The following TEP1 variants were observed in gnomAD, a reference collection of about 807,000 sequenced individuals.
TEP1 encodes telomerase associated protein 1, also known as telomerase protein component 1.
A neutral mutation model predicts 306.3 loss-of-function variants in TEP1; 241 were observed. The ratio of observed to expected loss-of-function variants is 0.79; its 90% CI spans 0.71 to 0.88. The LOEUF (loss-of-function observed/expected upper bound fraction) is 0.88, where lower values mean the gene tolerates loss of function less well. TEP1 is among the 40% of genes least tolerant of loss of function. The probability of loss-of-function intolerance (pLI) is 0.00; values close to 1 mark genes in which losing one functional copy is unlikely to be tolerated. For missense variants in TEP1, 3,051 were observed against 3,276.1 expected (o/e 0.93, Z 1.68); for synonymous variants, 1,289 against 1,305.5 (o/e 0.99, Z 0.27).
At position 20,376,954 on chromosome 14, in the gene TEP1, G is replaced by A. The variant is rs140581428; in HGVS notation, c.6088+326C>T. 9.5e-4 allele frequency among the ~76,000 whole-genome samples: 145 copies of A among 152,304 alleles called. 1 individual carries two copies. The East Asian group carries it at 0.014, about 14-fold the overall frequency. Reference sequence around the variant, plus strand: ...TTGTGGGCCAGGCGCAATGGCTCACGTCTGTAATCCCAGCACTTTGGGAGG... The same window carrying A: ...TTGTGGGCCAGGCGCAATGGCTCACATCTGTAATCCCAGCACTTTGGGAGG... On this transcript the variant is annotated intron_variant, in intron 41 of 54. Transcript: ENST00000262715.
rs1471177820 is a variant in TEP1, at chr14:20,371,121, G to C, written c.7317+97C>G. On this transcript the variant is annotated intron_variant, in intron 51 of 54. Transcript: ENST00000262715. ...AGGATAAGAGGATTTGCAGCCAACTGCCTTTCCCTTCCCTATCCTCCATGA... is the reference window on the plus strand; with the variant it reads ...AGGATAAGAGGATTTGCAGCCAACTCCCTTTCCCTTCCCTATCCTCCATGA... 9 of 1,025,788 alleles carry C rather than the reference G, an allele frequency of 8.8e-6. No individual in the cohort carries two copies. In the East Asian group the frequency reaches 2.1e-4, roughly 24 times the overall value. 63.5% of individuals were successfully genotyped at this position (1,025,788 alleles called of 1,614,324 possible).
At position 20,377,736 on chromosome 14, in the gene TEP1, C is replaced by T; in HGVS notation, c.5739G>A (p.Gly1913=). The part of the protein sequence containing the change: ...GEDGKVQVWS[G]SLGRPRGHLG... ...GGTGCCCACGGGGCCGACCCAGAGA[C>T]CCTGACCACACCTGAACCTGGGAAC... The change falls in exon 40 of 55, where the codon GGG becomes GGA. Residue 1913 remains glycine (G), a synonymous_variant. Coordinates refer to ENST00000262715, the MANE Select transcript of TEP1 (RefSeq NM_007110.5). The T allele has an allele frequency of 6.2e-7, 1 of 1,613,872 alleles. No individual in the cohort carries two copies. Among genetic ancestry groups the T allele is most frequent in the Non-Finnish European group, 8.5e-7 (1 of 1,179,996 alleles).
chr14:20,382,167 C>A, intron 29 of TEP1, 57 bp downstream of exon 29: 1 of 1,613,244 alleles, frequency 6.2e-7, no homozygotes, highest in Non-Finnish European at 8.5e-7. Context: ...CCAAGGGAAC[C>A]AATGTAATCC....
chr14:20,373,035 T>C lies in TEP1; in HGVS notation c.6927A>G (p.Glu2309=). 1 of 1,614,186 alleles carries C rather than the reference T, an allele frequency of 6.2e-7. No homozygotes were observed. The highest frequency in any genetic ancestry group is 2.2e-5 in the East Asian group (1 of 44,888). The change falls in exon 48 of 55, where the codon GAA becomes GAG. Residue 2309 remains glutamate, a synonymous_variant. Transcript: ENST00000262715. ...NQAGELILWQ[E]AKAVATAQAP... is the part of the protein sequence containing the mutation. ...CCTGTGCTGTGGCCACAGCCTTAGC[T>C]TCCTGCCACAAGATTAGTTCCCCAG...
intron 15 of TEP1, 114 bp from the exon 16 acceptor site, chr14:20,389,854 C>T: frequency 1.5e-6 from 2 of 1,353,782 alleles, no homozygotes; most frequent in Non-Finnish European, 2.0e-6. Context: ...AGGAGTACCT[C>T]TCCTGAGAGC....
chr14:20,366,249 A>T lies in TEP1; in HGVS notation c.*2188T>A, dbSNP rs1044118907. The T allele has an allele frequency of 6.6e-6, 1 of 152,344 alleles. No individual in the cohort carries two copies. Among genetic ancestry groups the T allele is most frequent in the Middle Eastern group, 3.4e-3 (1 of 294 alleles). The allele number at this position is 152,344 out of a possible 1,614,324, so 9.4% of individuals were successfully genotyped here. A position where few individuals can be genotyped will look rare whatever the true frequency, so the allele number is the denominator to read the frequency against. ...TAACTTTCCCCAACCCCTTCACTCC[A>T]GCCTTAGCTGGGATGCTTTTATATA... On this transcript the variant is annotated 3_prime_UTR_variant, in exon 55 of 55. Transcript: ENST00000262715.
At chr14:20,400,817 C>T (rs1016244452) in intron 9 of TEP1, 167 bp downstream of exon 9, 5 of 774,092 alleles carry the variant, frequency 6.5e-6, no homozygotes, top group South Asian at 2.0e-5. Flanking sequence ...AAAGCAGGTA[C>T]CACTGTTTAC....
At position 20,368,371 on chromosome 14, in the gene TEP1, C is replaced by T; in HGVS notation, c.*66G>A. 6.5e-7 allele frequency: 1 copy of T among 1,530,138 alleles called. No homozygotes were observed. The allele number at this position is 1,530,138 out of a possible 1,614,324, so 94.8% of individuals were successfully genotyped here. On this transcript the variant is annotated 3_prime_UTR_variant, in exon 55 of 55. Coordinates refer to ENST00000262715, the MANE Select transcript of TEP1 (RefSeq NM_007110.5). The stretch of plus-strand genomic sequence containing the variant: ...TTATTAATTTTATAATTATTAAAAG[C>T]TACCAGTGTCTTCAGGCTTTGCATC...
intron 12 of TEP1, among the ~76,000 whole-genome samples, chr14:20,392,432 A>G (rs1877806479): frequency 6.6e-6 from 1 of 152,214 alleles, no homozygotes; most frequent in African/African-American, 2.4e-5. Context: ...ATCACCTATG[A>G]ACTACTTGGC....
Position 20,378,364 on chromosome 14 carries a change from C to T in TEP1, c.5508+16G>A. On this transcript the variant is annotated intron_variant, in intron 38 of 54. Transcript: ENST00000262715. ...CCTCCTGTGCTTCCCCCAAGAGCAA[C>T]ACTGGACCTTCTTACCTTGGTGACT... 6.2e-7 allele frequency: 1 copy of T among 1,614,218 alleles called. No individual in the cohort carries two copies. The highest frequency in any genetic ancestry group is 8.5e-7 in the Non-Finnish European group (1 of 1,180,020).
chr14:20,410,020 C>CAAA lies in TEP1; in HGVS notation c.-24-1560_-24-1558dup, dbSNP rs570672845. Among the ~76,000 whole-genome samples, 94 of 58,954 alleles carry CAAA rather than the reference C, an allele frequency of 1.6e-3. 11 individuals are homozygous for CAAA. Among genetic ancestry groups the CAAA allele is most frequent in the Non-Finnish European group, 2.0e-3 (63 of 30,870 alleles). The allele number at this position is 58,954 out of a possible 152,430, so 38.7% of individuals were successfully genotyped here. On this transcript the variant is annotated intron_variant, in intron 1 of 54. Coordinates refer to ENST00000262715, the MANE Select transcript of TEP1 (RefSeq NM_007110.5). ...TGGGCGACAGAGCAAGACTCTGTCT[C>CAAA]AAAAAAAAAAAAAAAAAAAAAAAAA...
At chr14:20,383,431 C>G in intron 26 of TEP1, 57 bp downstream of exon 26, 2 of 1,611,830 alleles carry the variant, frequency 1.2e-6, no homozygotes, top group South Asian at 2.2e-5. Context: ...TCCTCCGTGC[C>G]GTATCCCTCC....
In TEP1 at chr14:20,378,791, C is replaced by T. The variant is rs8022805; in HGVS notation, c.5315G>A (p.Arg1772Gln). The change falls in exon 37 of 55, where the codon CGG becomes CAG. Residue 1772 changes from arginine to glutamine, a missense_variant. Physicochemically the swap from Arg to Gln is conservative, Grantham distance 43. Coordinates refer to ENST00000262715, the MANE Select transcript of TEP1 (RefSeq NM_007110.5). Reference sequence around the variant, plus strand: ...TCCCAAGCACACGGTGGCTAGCAGCCGGCAGTCTGGGCTCAGGCAGCAGCC... The same window carrying T: ...TCCCAAGCACACGGTGGCTAGCAGCTGGCAGTCTGGGCTCAGGCAGCAGCC... ...ITGCCLSPDC[R>Q]LLATVCLGGC... is the part of the protein sequence containing the mutation. The T allele has an allele frequency of 0.052, 84,677 of 1,614,140 alleles. 2,556 individuals carry two copies. Among genetic ancestry groups the T allele is most frequent in the South Asian group, 0.083 (7,570 of 91,078 alleles).
intron 14 of TEP1, 59 bp downstream of exon 14, chr14:20,390,874 TCTGGG>T: frequency 6.2e-7 from 1 of 1,610,860 alleles, no homozygotes; most frequent in East Asian, 2.2e-5. Flanking sequence ...TTACCAAATA[TCTGGG>T]CTATTCCCAG....
At chr14:20,368,601 C>T (rs1884616722) in intron 54 of TEP1, 42 bp from the exon 55 acceptor site, 2 of 1,608,966 alleles carry the variant, frequency 1.2e-6, no homozygotes, top group Admixed American at 1.7e-5. Flanking sequence ...GGCTACAAGC[C>T]TCCTTACTAA....
At chr14:20,395,232 A>G (rs1878096072) in intron 12 of TEP1, among the ~76,000 whole-genome samples, 2 of 152,236 alleles carry the variant, frequency 1.3e-5, no homozygotes, top group African/African-American at 4.8e-5. Flanking sequence ...CACAGATAAT[A>G]GAGTGGAGGT....
At position 20,406,310 on chromosome 14, in the gene TEP1, C is replaced by T; in HGVS notation, c.658G>A (p.Asp220Asn). 6.2e-7 allele frequency: 1 copy of T among 1,614,132 alleles called. No homozygotes were observed. Among genetic ancestry groups the T allele is most frequent in the Admixed American group, 1.7e-5 (1 of 60,016 alleles). The change falls in exon 3 of 55, where the codon GAT becomes AAT. Residue 220 changes from aspartate to asparagine, a missense_variant. This residue lies in a region of TEP1 where 1,507 missense variants were observed against 1,550.5 expected (regional missense o/e 0.97). Transcript: ENST00000262715. ...CCAGAGGTGAGCTTCACGGCCAGAT[C>T]CTCCACCTCCTCCTCCTCTCCCAAG... ...LSLGEEEEVEDLAVKLTSGDS... is the reference protein window; with the variant it reads ...LSLGEEEEVENLAVKLTSGDS...
chr14:20,389,147 TAAAAA>T, intron 17 of TEP1, 86 bp downstream of exon 17: 2 of 1,043,466 alleles, frequency 1.9e-6, no homozygotes, highest in Non-Finnish European at 2.8e-6. Flanking sequence ...GATTCTGTCT[TAAAAA>T]AAAAAAAAAG....
At chr14:20,390,082 TG>T in intron 15 of TEP1, among the ~76,000 whole-genome samples, 1 of 152,210 alleles carries the variant, frequency 6.6e-6, no homozygotes, top group East Asian at 1.9e-4. Context: ...AAAACAAATG[TG>T]GCTGGGCATG....
Sources: allele counts gnomAD v4.1 joint callset (sites outside exome capture counted in the v4.1 genomes callset), GRCh38; gene constraint gnomAD v4.1.1; regional missense constraint gnomAD v4.1.1; transcripts MANE v1.5; gene names NCBI Gene and HGNC (gene_info 2026-07-23, HGNC 2026-07-21).